Variants in GRIA2 observed in about 807,000 individuals in gnomAD.
The protein encoded by GRIA2 is glutamate ionotropic receptor AMPA type subunit 2.
GRIA2 carries 14 observed loss-of-function variants against 97.3 expected under a neutral mutation model. The ratio of observed to expected loss-of-function variants is 0.14; its 90% CI spans 0.10 to 0.23. The LOEUF (loss-of-function observed/expected upper bound fraction) is 0.23, where lower values mean the gene tolerates loss of function less well. Among genes scored for constraint, GRIA2 ranks in the 10% least tolerant of loss-of-function variants. The probability of loss-of-function intolerance (pLI) is 1.00; values close to 1 mark genes in which losing one functional copy is unlikely to be tolerated. For missense variants in GRIA2, 558 were observed against 1,069.8 expected, an observed-to-expected ratio of 0.52 and a Z score of 6.67; for synonymous variants, 412 against 387.8, an observed-to-expected ratio of 1.06 and a Z score of -0.73.
intron 2 of GRIA2, among the ~76,000 whole-genome samples, chr4:157,256,419 G>A (rs938824354): frequency 6.7e-6 from 1 of 149,702 alleles, no homozygotes; most frequent in Admixed American, 6.8e-5. Flanking sequence ...AACATAATTA[G>A]ATTCCAATCT....
Position 157,361,016 on chromosome 4 carries a change from G to T in GRIA2, c.2298G>T (p.Ala766=). The change falls in exon 14 of 16, where the codon GCG becomes GCT. Residue 766 remains alanine (A), a synonymous_variant. Coordinates refer to ENST00000264426, the MANE Select transcript of GRIA2 (RefSeq NM_001083619.3). This position sits in a 1 kb window ranked among gnomAD's most constrained non-coding sequence, Gnocchi z 5.2. ...ATPKGSSLRN[A]VNLAVLKLNE... ...TATGTTTTATCGTTTCAAGAAATGC[G>T]GTTAACCTCGCAGTACTAAAACTGA... 1 of 1,604,522 alleles carries T rather than the reference G, an allele frequency of 6.2e-7. No homozygotes were observed. The highest frequency in any genetic ancestry group is 8.5e-7 in the Non-Finnish European group (1 of 1,171,456).
chr4:157,317,827 T>A, intron 5 of GRIA2, 116 bp downstream of exon 5: 1 of 546,298 alleles, frequency 1.8e-6, no homozygotes, highest in Non-Finnish European at 3.4e-6. Flanking sequence ...TTGATTGTAA[T>A]TAGCCAGGTG....
Position 157,365,552 on chromosome 4 carries a change from T to C in GRIA2, c.*2121T>C, listed in dbSNP as rs1736848403. The C allele has an allele frequency of 6.6e-6, 1 of 152,048 alleles. No homozygotes were observed. 9.4% of individuals were successfully genotyped at this position (152,048 alleles called of 1,614,324 possible). A position where few individuals can be genotyped will look rare whatever the true frequency, so the allele number is the denominator to read the frequency against. On this transcript the variant is annotated 3_prime_UTR_variant, in exon 16 of 16. Coordinates refer to ENST00000264426, the MANE Select transcript of GRIA2 (RefSeq NM_001083619.3). Reference sequence around the variant, plus strand: ...AGTTATATTTTCATGTTTTTATAGATACAACATGACAAGAATACATAATGT... The same window carrying C: ...AGTTATATTTTCATGTTTTTATAGACACAACATGACAAGAATACATAATGT...
chr4:157,360,546 A>G (rs994219600), intron 13 of GRIA2, among the ~76,000 whole-genome samples: 12 of 152,174 alleles, frequency 7.9e-5, no homozygotes, highest in African/African-American at 2.7e-4. Context: ...GTAAACTGAA[A>G]TAACTAACTG....
chr4:157,360,249 T>A, intron 13 of GRIA2, 106 bp downstream of exon 13: 1 of 1,139,656 alleles, frequency 8.8e-7, no homozygotes, highest in Admixed American at 2.5e-5. Context: ...ATGAGGTAAC[T>A]CACCATCACA....
chr4:157,361,132 C>A lies in GRIA2; in HGVS notation c.2406+8C>A. On this transcript the variant is annotated splice_region_variant and intron_variant, in intron 14 of 15. Coordinates refer to ENST00000264426, the MANE Select transcript of GRIA2 (RefSeq NM_001083619.3). This position sits in a 1 kb window ranked among gnomAD's most constrained non-coding sequence, Gnocchi z 5.2. ...GGGGGAGGTGATTCCAAGGTCAGCCCCAGTGAGAAAAGTAATGGGTAACTC... is the reference window on the plus strand; with the variant it reads ...GGGGGAGGTGATTCCAAGGTCAGCCACAGTGAGAAAAGTAATGGGTAACTC... 2.5e-6 allele frequency: 4 copies of A among 1,588,326 alleles called. No individual in the cohort carries two copies. Among genetic ancestry groups the A allele is most frequent in the South Asian group, 1.1e-5 (1 of 90,528 alleles).
At chr4:157,251,106 C>T (rs1173808189) in intron 2 of GRIA2, among the ~76,000 whole-genome samples, 2 of 151,982 alleles carry the variant, frequency 1.3e-5, no homozygotes, top group Non-Finnish European at 2.9e-5. Flanking sequence ...AAAGCGTATA[C>T]CTTCAAGTTT....
rs534004385 is a variant in GRIA2 at position 157,361,222 on chromosome 4, C to T, written c.2406+98C>T. ...GCACTCCGTGCCACCAAGTTTCCAA[C>T]GCTAAGCTGAAGAGTGCAATTGGAT... On this transcript the variant is annotated intron_variant, in intron 14 of 15. Coordinates refer to ENST00000264426, the MANE Select transcript of GRIA2 (RefSeq NM_001083619.3). The surrounding 1 kb of genome is among the most constrained non-coding windows in gnomAD (Gnocchi z 5.2). The T allele has an allele frequency of 9.6e-5, 86 of 893,822 alleles. No homozygotes were observed. Among genetic ancestry groups the T allele is most frequent in the East Asian group, 2.0e-4 (8 of 39,802 alleles). 55.4% of individuals were successfully genotyped at this position (893,822 alleles called of 1,614,324 possible). A position where few individuals can be genotyped will look rare whatever the true frequency, so the allele number is the denominator to read the frequency against.
chr4:157,325,813 A>G (rs1056139427), intron 6 of GRIA2, among the ~76,000 whole-genome samples: 1 of 152,140 alleles, frequency 6.6e-6, no homozygotes, highest in Admixed American at 6.5e-5. Flanking sequence ...TCTTCAGCCA[A>G]CCTAAATCCC....
chr4:157,299,289 G>T (rs1032055985), intron 2 of GRIA2, among the ~76,000 whole-genome samples: 2 of 152,038 alleles, frequency 1.3e-5, no homozygotes, highest in Admixed American at 6.6e-5. Flanking sequence ...TATGCATGGG[G>T]TTAATGTCAC....
chr4:157,348,462 C>A (rs919145994), intron 12 of GRIA2, among the ~76,000 whole-genome samples: 25 of 152,098 alleles, frequency 1.6e-4, no homozygotes, highest in Admixed American at 1.2e-3. Context: ...TGGTCTCGAG[C>A]TCCTGGGCTC....
chr4:157,248,068 T>C (rs1191714273), intron 2 of GRIA2, among the ~76,000 whole-genome samples: 2 of 151,698 alleles, frequency 1.3e-5, no homozygotes, highest in Non-Finnish European at 2.9e-5. Flanking sequence ...TGTATATATA[T>C]ATAATCATAT....
chr4:157,312,915 A>G (rs1002751455), intron 4 of GRIA2, 40 bp downstream of exon 4: 2 of 1,166,384 alleles, frequency 1.7e-6, no homozygotes, highest in Admixed American at 2.2e-5. Context: ...CAGATATAGA[A>G]TATGCATGCA....
intron 2 of GRIA2, among the ~76,000 whole-genome samples, chr4:157,276,418 G>A (rs546719086): frequency 6.6e-6 from 1 of 151,988 alleles, no homozygotes; most frequent in South Asian, 2.1e-4. Context: ...GAATACACAT[G>A]TTAGAAAAGA....
chr4:157,263,868 C>A (rs947758291), intron 2 of GRIA2, among the ~76,000 whole-genome samples: 4 of 152,056 alleles, frequency 2.6e-5, no homozygotes, highest in Non-Finnish European at 5.9e-5. Flanking sequence ...GATTTACACT[C>A]AAAAATCCTT....
intron 2 of GRIA2, among the ~76,000 whole-genome samples, chr4:157,300,566 G>T (rs1425940519): frequency 6.6e-6 from 1 of 152,028 alleles, no homozygotes; most frequent in Non-Finnish European, 1.5e-5. Flanking sequence ...TGTATGCATA[G>T]TCAGGGGACA....
intron 12 of GRIA2, among the ~76,000 whole-genome samples, chr4:157,359,487 C>T (rs1258154621): frequency 6.6e-6 from 1 of 152,114 alleles, no homozygotes; most frequent in Non-Finnish European, 1.5e-5. Context: ...CCTGACCAAC[C>T]CACATTACAC....
rs1011663673 is a variant in GRIA2 at position 157,364,112 on chromosome 4, A to G, written c.*681A>G. On this transcript the variant is annotated 3_prime_UTR_variant, in exon 16 of 16. Coordinates refer to ENST00000264426, the MANE Select transcript of GRIA2 (RefSeq NM_001083619.3). ...AAAAGGCTTTAGGTATCGATTCCAT[A>G]TTTTTCAAAGCCAAATATGTAAATG... 2.0e-5 allele frequency: 3 copies of G among 152,624 alleles called. No individual in the cohort carries two copies. The highest frequency in any genetic ancestry group is 2.9e-5 in the Non-Finnish European group (2 of 67,980). The allele number at this position is 152,624 out of a possible 1,614,324, so 9.5% of individuals were successfully genotyped here.
intron 9 of GRIA2, 108 bp downstream of exon 9, chr4:157,334,228 C>T: frequency 1.5e-6 from 1 of 661,568 alleles, no homozygotes; most frequent in Admixed American, 2.3e-5. Context: ...GCTTCTTTTG[C>T]AATGTTTTAA....
Sources: allele counts gnomAD v4.1 joint callset (sites outside exome capture counted in the v4.1 genomes callset), GRCh38; gene constraint gnomAD v4.1.1; non-coding constraint Gnocchi (gnomAD v3.1); transcripts MANE v1.5; gene names NCBI Gene and HGNC (gene_info 2026-07-23, HGNC 2026-07-21).